The following CNTNAP2 variants were observed in gnomAD, a reference collection of about 807,000 sequenced individuals.
The protein encoded by CNTNAP2 is contactin associated protein 2, also known as contactin-associated protein-like 2.
Under a neutral mutation model 155.2 loss-of-function variants are expected in CNTNAP2, and 98 were observed. The ratio of observed to expected loss-of-function variants is 0.63; its 90% confidence interval spans 0.54 to 0.75. The LOEUF (loss-of-function observed/expected upper bound fraction) is 0.75. CNTNAP2 is among the 30% of genes least tolerant of loss of function. The probability of loss-of-function intolerance (pLI) is 0.00; values close to 1 mark genes in which losing one functional copy is unlikely to be tolerated. For missense variants in CNTNAP2, 1,727 were observed against 1,688.1 expected, an observed-to-expected ratio of 1.02 and a Z score of -0.40; for synonymous variants, 651 against 631.2, an observed-to-expected ratio of 1.03 and a Z score of -0.47.
At chr7:147,474,608 G>A (rs1168309819) in intron 10 of CNTNAP2, among the ~76,000 whole-genome samples, 1 of 151,802 alleles carries the variant, frequency 6.6e-6, no homozygotes, top group Non-Finnish European at 1.5e-5. Context: ...AAAAACAAGT[G>A]ACATTCTTGT....
chr7:148,365,877 T>C (rs138597546), intron 21 of CNTNAP2, among the ~76,000 whole-genome samples: 852 of 59,068 alleles, frequency 0.014, 393 homozygotes, highest in African/African-American at 0.031. Context: ...TGTGTATGCA[T>C]GTATACATGT....
At chr7:148,059,175 C>A (rs896041159) in intron 15 of CNTNAP2, among the ~76,000 whole-genome samples, 1 of 152,116 alleles carries the variant, frequency 6.6e-6, no homozygotes, top group Admixed American at 6.5e-5. Flanking sequence ...GTAGTCCCAG[C>A]TGCTTGGGAG....
chr7:147,817,919 A>T (rs974671684), intron 13 of CNTNAP2, among the ~76,000 whole-genome samples: 2 of 151,838 alleles, frequency 1.3e-5, no homozygotes, highest in African/African-American at 4.8e-5. Context: ...AAAAAAAAAA[A>T]AAATAGCAAA....
intron 9 of CNTNAP2, among the ~76,000 whole-genome samples, chr7:147,358,370 T>G (rs2116891062): frequency 6.6e-6 from 1 of 152,298 alleles, no homozygotes; most frequent in African/African-American, 2.4e-5. Flanking sequence ...GTAATTATAT[T>G]ACCCATAAAT....
chr7:146,908,155 T>A (rs986654098), intron 3 of CNTNAP2, among the ~76,000 whole-genome samples: 1 of 152,074 alleles, frequency 6.6e-6, no homozygotes, highest in African/African-American at 2.4e-5. Context: ...ATAAAGCAAG[T>A]CCTGAGTGAC....
chr7:146,353,057 G>A (rs1794946180), intron 1 of CNTNAP2, among the ~76,000 whole-genome samples: 1 of 151,918 alleles, frequency 6.6e-6, no homozygotes, highest in Non-Finnish European at 1.5e-5. Context: ...CCCGGCCAGG[G>A]GATGTCTTAT....
intron 1 of CNTNAP2, among the ~76,000 whole-genome samples, chr7:146,373,250 T>C (rs1424877039): frequency 6.6e-6 from 1 of 152,142 alleles, no homozygotes; most frequent in Non-Finnish European, 1.5e-5. Flanking sequence ...TGGACACGAT[T>C]CTCTTCAGTA....
At chr7:147,927,163 AT>A (rs1191794036) in intron 14 of CNTNAP2, among the ~76,000 whole-genome samples, 5 of 152,094 alleles carry the variant, frequency 3.3e-5, no homozygotes, top group African/African-American at 9.7e-5. Flanking sequence ...GATAAAGATA[AT>A]TTTTTTAGAA....
intron 10 of CNTNAP2, among the ~76,000 whole-genome samples, chr7:147,425,416 C>T (rs754486857): frequency 1.3e-4 from 20 of 152,120 alleles, no homozygotes; most frequent in Non-Finnish European, 2.6e-4. Context: ...CTTCATGTTA[C>T]AGCTGGTTTA....
intron 1 of CNTNAP2, among the ~76,000 whole-genome samples, chr7:146,691,031 A>G (rs1458654757): frequency 6.6e-6 from 1 of 152,168 alleles, no homozygotes; most frequent in Non-Finnish European, 1.5e-5. Context: ...TCATTGAAAT[A>G]TGTCTTGGAA....
intron 4 of CNTNAP2, among the ~76,000 whole-genome samples, chr7:147,101,667 T>C (rs575259406): frequency 1.3e-5 from 2 of 152,126 alleles, no homozygotes; most frequent in South Asian, 4.1e-4. Flanking sequence ...GGAAAGGAGA[T>C]GGAGTGGGAA....
chr7:146,246,879 TG>T (rs1396387727), intron 1 of CNTNAP2, among the ~76,000 whole-genome samples: 1 of 152,184 alleles, frequency 6.6e-6, no homozygotes, highest in Non-Finnish European at 1.5e-5. Context: ...GAGGAACGCC[TG>T]GTCGCTGCGT....
At chr7:147,665,896 T>C (rs1023100183) in intron 13 of CNTNAP2, among the ~76,000 whole-genome samples, 1 of 152,156 alleles carries the variant, frequency 6.6e-6, no homozygotes, top group African/African-American at 2.4e-5. Context: ...GTTGATTCCA[T>C]GTCTTTGTGT....
chr7:148,098,666 C>T (rs550371739), intron 15 of CNTNAP2, among the ~76,000 whole-genome samples: 23 of 151,820 alleles, frequency 1.5e-4, no homozygotes, highest in Non-Finnish European at 7.4e-5. Context: ...TAGACCCCAT[C>T]TCTTTAAAAA....
At chr7:147,144,125 T>C (rs1057321980) in intron 8 of CNTNAP2, among the ~76,000 whole-genome samples, 1 of 152,206 alleles carries the variant, frequency 6.6e-6, no homozygotes, top group East Asian at 1.9e-4. Flanking sequence ...CCCTTTATTG[T>C]GGGAGTCTAG....
chr7:146,551,245 G>A (rs1378068933), intron 1 of CNTNAP2, among the ~76,000 whole-genome samples: 7 of 151,988 alleles, frequency 4.6e-5, no homozygotes, highest in Admixed American at 3.9e-4. Context: ...CCACCAACTC[G>A]TCATTTAACA....
At chr7:146,226,070 T>G (rs781363485) in intron 1 of CNTNAP2, among the ~76,000 whole-genome samples, 12 of 152,194 alleles carry the variant, frequency 7.9e-5, no homozygotes, top group Non-Finnish European at 1.3e-4. Flanking sequence ...TCCCATTTCT[T>G]AGAACAATTC....
intron 2 of CNTNAP2, among the ~76,000 whole-genome samples, chr7:146,803,481 C>T (rs903879428): frequency 1.3e-5 from 2 of 152,104 alleles, no homozygotes; most frequent in Admixed American, 6.6e-5. Flanking sequence ...GGATCACGGG[C>T]CAATCATGAC....
chr7:146,245,980 A>T (rs1799642630), intron 1 of CNTNAP2, among the ~76,000 whole-genome samples: 1 of 145,022 alleles, frequency 6.9e-6, no homozygotes, highest in African/African-American at 2.8e-5. Context: ...TAAGGCATAG[A>T]TCCTGAACTA....
Sources: gnomAD v4.1 joint callset for allele counts (sites outside exome capture counted in the v4.1 genomes callset) on GRCh38, gnomAD v4.1.1 for gene constraint, MANE v1.5 for transcripts, NCBI Gene and HGNC (gene_info 2026-07-23, HGNC 2026-07-21) for gene names.